The following EPHB1 variants were observed in gnomAD, a reference collection of about 807,000 sequenced individuals.
The protein encoded by EPHB1 is EPH receptor B1, also known as ephrin type-B receptor 1.
A neutral mutation model predicts 94.4 loss-of-function variants in EPHB1; 30 were observed. The ratio of observed to expected loss-of-function variants is 0.32; its 90% CI spans 0.24 to 0.43. The LOEUF (loss-of-function observed/expected upper bound fraction) is 0.43. Ranked by LOEUF, EPHB1 falls within the 20% of genes least tolerant of loss-of-function variation. The pLI, the probability that EPHB1 is intolerant of heterozygous loss-of-function variation, is 1.00. For missense variants in EPHB1, 1,055 were observed against 1,308.3 expected (o/e 0.81, Z 2.99); for synonymous variants, 522 against 489.1 (o/e 1.07, Z -0.89).
intron 3 of EPHB1, among the ~76,000 whole-genome samples, chr3:135,087,203 T>A (rs1020632557): frequency 6.6e-6 from 1 of 152,178 alleles, no homozygotes; most frequent in Non-Finnish European, 1.5e-5. Flanking sequence ...CTTTGCTTGA[T>A]GAACCGATAC....
chr3:135,206,012 C>A lies in EPHB1; in HGVS notation c.2346+4323C>A, dbSNP rs137871933. ...GCCATCAAACCAGGAATCCCCCTAA[C>A]CTCATCCCTCCCCATTGCATCCTCA... On this transcript the variant is annotated intron_variant, in intron 12 of 15. Transcript: ENST00000398015. 7.2e-5 allele frequency among the ~76,000 whole-genome samples: 11 copies of A among 152,334 alleles called. No homozygotes were observed. In the East Asian group the frequency reaches 2.1e-3, roughly 29 times the overall value.
intron 1 of EPHB1, among the ~76,000 whole-genome samples, chr3:134,880,876 G>T (rs532870848): frequency 6.6e-6 from 1 of 152,240 alleles, no homozygotes; most frequent in Non-Finnish European, 1.5e-5. Flanking sequence ...TTTTAAGAGG[G>T]ATGGAATATT....
intron 1 of EPHB1, among the ~76,000 whole-genome samples, chr3:134,809,430 G>A (rs2036125986): frequency 6.6e-6 from 1 of 151,898 alleles, no homozygotes; most frequent in Admixed American, 6.6e-5. Context: ...AAAACCCGTG[G>A]CTTTCTTTTC....
intron 11 of EPHB1, among the ~76,000 whole-genome samples, chr3:135,196,776 C>G (rs933430831): frequency 6.6e-6 from 1 of 152,132 alleles, no homozygotes; most frequent in Non-Finnish European, 1.5e-5. Context: ...GGCTACGGTT[C>G]TAGCCCTGAA....
At position 135,028,352 on chromosome 3, in the gene EPHB1, G is replaced by A. The variant is rs1050020145; in HGVS notation, c.805+76300G>A. ...TTTTTGATCTCTCCTGCTTTCTCTT[G>A]TAGGCATTTAGTGCTATAAATTTCC... On this transcript the variant is annotated intron_variant, in intron 3 of 15. Transcript: ENST00000398015. 4.9e-5 allele frequency among the ~76,000 whole-genome samples: 7 copies of A among 141,726 alleles called. No individual in the cohort carries two copies. In the East Asian group the frequency reaches 1.2e-3, roughly 24 times the overall value. The allele number at this position is 141,726 out of a possible 152,430, so 93.0% of individuals were successfully genotyped here. A position where few individuals can be genotyped will look rare whatever the true frequency, so the allele number is the denominator to read the frequency against.
chr3:134,801,757 C>T (rs1291336012), intron 1 of EPHB1, among the ~76,000 whole-genome samples: 1 of 152,160 alleles, frequency 6.6e-6, no homozygotes, highest in Non-Finnish European at 1.5e-5. Flanking sequence ...AGGTGGGGCC[C>T]TTGGGTCAGA....
chr3:134,820,866 G>A (rs1478801807), intron 1 of EPHB1, among the ~76,000 whole-genome samples: 1 of 152,150 alleles, frequency 6.6e-6, no homozygotes, highest in Non-Finnish European at 1.5e-5. Context: ...GTTTTCCAGA[G>A]AAACAGAACC....
At chr3:134,920,571 G>A (rs961277329) in intron 1 of EPHB1, among the ~76,000 whole-genome samples, 1 of 152,150 alleles carries the variant, frequency 6.6e-6, no homozygotes, top group African/African-American at 2.4e-5. Flanking sequence ...GTTGTATTTT[G>A]TTACCATGAT....
chr3:135,194,907 G>A (rs146878878), intron 11 of EPHB1, among the ~76,000 whole-genome samples: 2 of 152,108 alleles, frequency 1.3e-5, no homozygotes, highest in African/African-American at 2.4e-5. Context: ...GGAGTGGCAC[G>A]AGAGCTCTAG....
rs910521976 is a variant in EPHB1, at chr3:134,951,121, G to A, written c.124-250G>A. ...TCACAGAATGAGCATTATGGGTTAGGCGAGGGACAGCTTTCTTGAATGAAG... is the reference window on the plus strand; with the variant it reads ...TCACAGAATGAGCATTATGGGTTAGACGAGGGACAGCTTTCTTGAATGAAG... On this transcript the variant is annotated intron_variant, in intron 2 of 15. Coordinates refer to ENST00000398015, the MANE Select transcript of EPHB1 (RefSeq NM_004441.5). The surrounding 1 kb of genome is among the most constrained non-coding windows in gnomAD (Gnocchi z 4.5). 5.3e-5 allele frequency among the ~76,000 whole-genome samples: 8 copies of A among 152,174 alleles called. No homozygotes were observed. Among genetic ancestry groups the A allele is most frequent in the Non-Finnish European group, 1.2e-4 (8 of 68,034 alleles).
chr3:135,171,085 C>T (rs1941789812), intron 9 of EPHB1, among the ~76,000 whole-genome samples: 1 of 152,154 alleles, frequency 6.6e-6, no homozygotes, highest in African/African-American at 2.4e-5. Flanking sequence ...CCCTGCCAAA[C>T]ACTTGGAGAG....
intron 3 of EPHB1, among the ~76,000 whole-genome samples, chr3:134,968,985 A>G (rs1326951559): frequency 6.6e-6 from 1 of 152,168 alleles, no homozygotes; most frequent in Non-Finnish European, 1.5e-5. Context: ...ATTGTTTCCA[A>G]TTTTTGATTA....
intron 1 of EPHB1, among the ~76,000 whole-genome samples, chr3:134,796,630 C>G (rs2035833352): frequency 6.6e-6 from 1 of 151,908 alleles, no homozygotes; most frequent in African/African-American, 2.4e-5. Context: ...CTCCCCGCCT[C>G]CCGCCCCTTC....
chr3:135,212,928 CT>C (rs1943064755), intron 12 of EPHB1, among the ~76,000 whole-genome samples: 1 of 152,218 alleles, frequency 6.6e-6, no homozygotes, highest in East Asian at 1.9e-4. Flanking sequence ...GCTTATCCCC[CT>C]AATCAGCAGT....
intron 1 of EPHB1, among the ~76,000 whole-genome samples, chr3:134,806,633 A>T (rs997409879): frequency 2.0e-5 from 3 of 152,214 alleles, no homozygotes; most frequent in African/African-American, 7.2e-5. Context: ...TAGGAGGGGT[A>T]GGAGAACAAT....
intron 15 of EPHB1, among the ~76,000 whole-genome samples, chr3:135,258,162 G>A (rs556915536): frequency 2.6e-4 from 40 of 152,154 alleles, no homozygotes; most frequent in Middle Eastern, 3.2e-3. Context: ...GAAATCACCC[G>A]TCTTCTGCGT....
intron 2 of EPHB1, among the ~76,000 whole-genome samples, chr3:134,933,314 C>T (rs889260525): frequency 6.6e-6 from 1 of 152,156 alleles, no homozygotes; most frequent in African/African-American, 2.4e-5. Context: ...CAGACATCTC[C>T]TCCTGGGTCC....
At chr3:134,843,779 T>C (rs1406135751) in intron 1 of EPHB1, among the ~76,000 whole-genome samples, 1 of 152,202 alleles carries the variant, frequency 6.6e-6, no homozygotes, top group Non-Finnish European at 1.5e-5. Flanking sequence ...ATTTTTCTGT[T>C]CCTTATTGTT....
At chr3:135,095,682 C>CA (rs1220721978) in intron 3 of EPHB1, among the ~76,000 whole-genome samples, 6 of 152,156 alleles carry the variant, frequency 3.9e-5, no homozygotes, top group Admixed American at 3.9e-4. Flanking sequence ...CCACCCACCC[C>CA]ACACAGGAAC....
Sources: allele counts gnomAD v4.1 joint callset (sites outside exome capture counted in the v4.1 genomes callset), GRCh38; gene constraint gnomAD v4.1.1; non-coding constraint Gnocchi (gnomAD v3.1); transcripts MANE v1.5; gene names NCBI Gene and HGNC (gene_info 2026-07-23, HGNC 2026-07-21).